The following TMTC2 variants were observed in gnomAD, a reference collection of about 807,000 sequenced individuals.
The protein encoded by TMTC2 is transmembrane O-mannosyltransferase targeting cadherins 2.
TMTC2 carries 43 observed loss-of-function variants against 82.4 expected under a neutral mutation model. The observed-to-expected ratio is 0.52, with a 90% CI of 0.41 to 0.67. The LOEUF (loss-of-function observed/expected upper bound fraction) is 0.67, where lower values mean the gene tolerates loss of function less well. TMTC2 is among the 30% of genes least tolerant of loss of function. TMTC2 has a pLI of 0.00. For synonymous variants in TMTC2, 408 were observed against 381.9 expected, an observed-to-expected ratio of 1.07 and a Z score of -0.80; for missense variants, 919 against 1,012.4, an observed-to-expected ratio of 0.91 and a Z score of 1.25.
intron 1 of TMTC2, among the ~76,000 whole-genome samples, chr12:82,772,886 TG>T (rs978454034): frequency 6.6e-6 from 1 of 152,040 alleles, no homozygotes; most frequent in Non-Finnish European, 1.5e-5. Context: ...AGTGTCGGAG[TG>T]GGGGGAGACA....
At chr12:82,781,178 G>C (rs1034494036) in intron 1 of TMTC2, among the ~76,000 whole-genome samples, 5 of 152,010 alleles carry the variant, frequency 3.3e-5, no homozygotes, top group African/African-American at 1.2e-4. Context: ...AATAGGACAC[G>C]AGAGTATCGT....
rs559632026 is a variant in TMTC2 at position 82,796,185 on chromosome 12, T to C, written c.84-60825T>C. On this transcript the variant is annotated intron_variant, in intron 1 of 11. Coordinates refer to ENST00000321196, the MANE Select transcript of TMTC2 (RefSeq NM_152588.3). The stretch of plus-strand genomic sequence containing the variant: ...GTGTGGAGTTTTGGGAGGAGACTAT[T>C]TGTAGCCGGGACGACCTGGCTGAAT... Among the ~76,000 whole-genome samples the C allele has an allele frequency of 8.3e-4, 127 of 152,144 alleles. 1 individual carries two copies. Among genetic ancestry groups the C allele is most frequent in the African/African-American group, 2.9e-3 (121 of 41,532 alleles).
chr12:83,040,695 T>C (rs1268336382), intron 9 of TMTC2, among the ~76,000 whole-genome samples: 2 of 149,692 alleles, frequency 1.3e-5, no homozygotes, highest in Admixed American at 6.6e-5. Context: ...TTTTTTTTTT[T>C]TTTCTTTTGA....
chr12:83,089,438 A>G (rs989273858), intron 11 of TMTC2, among the ~76,000 whole-genome samples: 2 of 152,214 alleles, frequency 1.3e-5, no homozygotes, highest in South Asian at 4.1e-4. Flanking sequence ...TATTAGCTTT[A>G]TGCTACTATG....
intron 3 of TMTC2, among the ~76,000 whole-genome samples, chr12:82,922,302 C>G (rs73362206): frequency 0.015 from 2,229 of 152,020 alleles, 47 homozygotes; most frequent in African/African-American, 0.051. Flanking sequence ...TTTGAGTGGT[C>G]CAAAGAATAA....
intron 8 of TMTC2, among the ~76,000 whole-genome samples, chr12:82,997,219 C>CTA (rs1421649838): frequency 4.7e-5 from 6 of 127,476 alleles, no homozygotes; most frequent in East Asian, 2.2e-4. Flanking sequence ...CTCTCTCTCT[C>CTA]TCTATATATA....
intron 3 of TMTC2, among the ~76,000 whole-genome samples, chr12:82,903,843 T>C (rs1201886085): frequency 1.3e-5 from 2 of 152,240 alleles, no homozygotes; most frequent in Non-Finnish European, 2.9e-5. Context: ...GAGTTCATGA[T>C]CTGTTTACAG....
At chr12:82,710,410 A>T (rs1873567568) in intron 1 of TMTC2, among the ~76,000 whole-genome samples, 2 of 152,174 alleles carry the variant, frequency 1.3e-5, no homozygotes. Flanking sequence ...TTCTCTTTAG[A>T]TCTGGCTGTC....
At position 82,865,290 on chromosome 12, in the gene TMTC2, G is replaced by A. The variant is rs12424324; in HGVS notation, c.654+7710G>A. On this transcript the variant is annotated intron_variant, in intron 2 of 11. Transcript: ENST00000321196. ...CATGTCACGTGCAGAGACACACATA[G>A]GCTCAGAATAAAGGGATGGAGGAAG... 4.3e-3 allele frequency among the ~76,000 whole-genome samples: 658 copies of A among 152,210 alleles called. 13 individuals are homozygous for A. Among genetic ancestry groups the A allele is most frequent in the Admixed American group, 0.03 (464 of 15,298 alleles).
chr12:82,712,223 A>G (rs1873660273), intron 1 of TMTC2, among the ~76,000 whole-genome samples: 2 of 152,144 alleles, frequency 1.3e-5, no homozygotes, highest in South Asian at 2.1e-4. Flanking sequence ...CAAGGCCAGG[A>G]GTTCGAGACC....
At chr12:82,760,924 AT>A in intron 1 of TMTC2, 1 of 333,398 alleles carries the variant, frequency 3.0e-6, no homozygotes, top group South Asian at 2.4e-5. Context: ...ACTCCCACTG[AT>A]TATACATTAT....
intron 2 of TMTC2, among the ~76,000 whole-genome samples, chr12:82,893,296 G>T (rs1325039334): frequency 6.6e-6 from 1 of 151,288 alleles, no homozygotes; most frequent in Admixed American, 6.6e-5. Flanking sequence ...GCTTGAACCT[G>T]GGAGGTAGAG....
intron 11 of TMTC2, among the ~76,000 whole-genome samples, chr12:83,103,031 G>C (rs1884274915): frequency 6.6e-6 from 1 of 152,202 alleles, no homozygotes; most frequent in Admixed American, 6.5e-5. Context: ...TCAAGAAAGA[G>C]ATAAGAAGTA....
intron 1 of TMTC2, among the ~76,000 whole-genome samples, chr12:82,838,123 C>T (rs1462700930): frequency 6.6e-6 from 1 of 152,154 alleles, no homozygotes; most frequent in Non-Finnish European, 1.5e-5. Context: ...TATCCTTCTT[C>T]TCCCCTCCCT....
At chr12:82,688,976 T>C (rs1256361912) in intron 1 of TMTC2, among the ~76,000 whole-genome samples, 2 of 152,230 alleles carry the variant, frequency 1.3e-5, no homozygotes, top group Admixed American at 1.3e-4. Context: ...CCCGTCTTAA[T>C]GCATTTTATG....
chr12:83,027,784 A>T (rs772250828), intron 8 of TMTC2, among the ~76,000 whole-genome samples: 1 of 152,166 alleles, frequency 6.6e-6, no homozygotes, highest in Non-Finnish European at 1.5e-5. Context: ...GCATTTAAAA[A>T]TTTGGTCCAC....
chr12:82,716,997 A>G (rs1873934093), intron 1 of TMTC2, among the ~76,000 whole-genome samples: 1 of 152,040 alleles, frequency 6.6e-6, no homozygotes, highest in Non-Finnish European at 1.5e-5. Context: ...AGAAATAAAA[A>G]CCTCCACATG....
intron 1 of TMTC2, among the ~76,000 whole-genome samples, chr12:82,692,540 C>T (rs1189437035): frequency 3.9e-5 from 6 of 152,172 alleles, no homozygotes; most frequent in East Asian, 1.9e-4. Context: ...GAAAGGATGA[C>T]GTTTACCCTT....
intron 7 of TMTC2, 54 bp downstream of exon 7, chr12:82,967,051 C>A: frequency 7.3e-7 from 1 of 1,360,702 alleles, no homozygotes; most frequent in South Asian, 1.2e-5. Flanking sequence ...TGTGGAGAAA[C>A]AGGAACCCAT....
Sources: allele counts gnomAD v4.1 joint callset (sites outside exome capture counted in the v4.1 genomes callset), GRCh38; gene constraint gnomAD v4.1.1; transcripts MANE v1.5; gene names NCBI Gene and HGNC (gene_info 2026-07-23, HGNC 2026-07-21).